VDAC1: variants seen among roughly 807,000 people sequenced by gnomAD.
VDAC1 encodes voltage dependent anion channel 1.
In VDAC1, 10 loss-of-function variants were observed where a neutral mutation model predicts 34.7. The ratio of observed to expected loss-of-function variants is 0.29; its 90% CI spans 0.18 to 0.49. The LOEUF is 0.49. Among genes scored for constraint, VDAC1 ranks in the 20% least tolerant of loss-of-function variants. The pLI is 0.99. For synonymous variants in VDAC1, 130 were observed against 136.0 expected (o/e 0.96, Z 0.30); for missense variants, 230 against 347.9 (o/e 0.66, Z 2.69).
the VDAC1 span, among the ~76,000 whole-genome samples, chr5:134,063,287 TTCCAACA>T: frequency 2.0e-5 from 3 of 152,230 alleles, no homozygotes; most frequent in African/African-American, 7.2e-5. Context: ...CCTTTCTCCG[TTCCAACA>T]TCCAGTGTGG....
the VDAC1 span, among the ~76,000 whole-genome samples, chr5:134,013,801 G>C: frequency 6.6e-6 from 1 of 151,996 alleles, no homozygotes; most frequent in African/African-American, 2.4e-5. Context: ...AATTAGCCAG[G>C]CATGGTTGCG....
At chr5:134,025,560 G>A in the VDAC1 span, among the ~76,000 whole-genome samples, 3 of 151,912 alleles carry the variant, frequency 2.0e-5, no homozygotes, top group African/African-American at 7.3e-5. Context: ...TTCAGTGATG[G>A]AGGTGATGTT....
chr5:134,045,739 G>A, the VDAC1 span, among the ~76,000 whole-genome samples: 3 of 151,714 alleles, frequency 2.0e-5, no homozygotes, highest in Admixed American at 6.6e-5. Flanking sequence ...GCAATGGTGC[G>A]ATCCTGGCTC....
chr5:134,048,911 GTGAA>G, the VDAC1 span, among the ~76,000 whole-genome samples: 1 of 152,156 alleles, frequency 6.6e-6, no homozygotes, highest in East Asian at 1.9e-4. Flanking sequence ...TATTTGCTGA[GTGAA>G]TGAATGAATG....
At chr5:133,990,277 AG>A (rs1214222880) in intron 5 of VDAC1, among the ~76,000 whole-genome samples, 1 of 152,208 alleles carries the variant, frequency 6.6e-6, no homozygotes, top group Non-Finnish European at 1.5e-5. Flanking sequence ...AGCAGCAGGA[AG>A]CTGGGAGAAG....
At chr5:134,024,892 C>G in the VDAC1 span, among the ~76,000 whole-genome samples, 7 of 152,226 alleles carry the variant, frequency 4.6e-5, no homozygotes, top group Non-Finnish European at 7.3e-5. Flanking sequence ...TCCCCTACCC[C>G]CTAGCCAGCT....
chr5:134,058,144 A>T, the VDAC1 span, among the ~76,000 whole-genome samples: 2 of 151,996 alleles, frequency 1.3e-5, no homozygotes, highest in Non-Finnish European at 2.9e-5. Flanking sequence ...TGCTTCAGCC[A>T]CCCAAAGTGT....
At chr5:134,043,171 C>T in the VDAC1 span, among the ~76,000 whole-genome samples, 1 of 152,326 alleles carries the variant, frequency 6.6e-6, no homozygotes, top group South Asian at 2.1e-4. Flanking sequence ...GCCTGTCGGC[C>T]TGGCAAAGTG....
At chr5:134,104,452 G>A in the VDAC1 span, among the ~76,000 whole-genome samples, 4 of 152,334 alleles carry the variant, frequency 2.6e-5, no homozygotes, top group East Asian at 1.9e-4. Context: ...CCAAAGCTCC[G>A]CTTAGAACAG....
chr5:134,071,398 G>A, the VDAC1 span, among the ~76,000 whole-genome samples: 1 of 152,142 alleles, frequency 6.6e-6, no homozygotes, highest in East Asian at 1.9e-4. This position sits in a 1 kb window ranked among gnomAD's most constrained non-coding sequence, Gnocchi z 4.1. Context: ...GCCCAGCCGC[G>A]CCAGCTGTGC....
At chr5:134,110,719 C>T in the VDAC1 span, among the ~76,000 whole-genome samples, 2 of 152,244 alleles carry the variant, frequency 1.3e-5, no homozygotes, top group African/African-American at 4.8e-5. Flanking sequence ...CCGCTCACAA[C>T]CTCTCCTTGC....
chr5:134,064,729 C>CT, the VDAC1 span, among the ~76,000 whole-genome samples: 1 of 145,754 alleles, frequency 6.9e-6, no homozygotes, highest in African/African-American at 2.5e-5. Context: ...TTTTTTTTTC[C>CT]TTTTTTGAGC....
the VDAC1 span, among the ~76,000 whole-genome samples, chr5:134,100,021 C>T: frequency 2.6e-5 from 4 of 152,262 alleles, no homozygotes; most frequent in Admixed American, 1.3e-4. Context: ...AATCCAAACA[C>T]GCCCTGTGAG....
the VDAC1 span, among the ~76,000 whole-genome samples, chr5:134,105,006 C>T: frequency 1.3e-5 from 2 of 152,216 alleles, no homozygotes; most frequent in Non-Finnish European, 2.9e-5. Context: ...CTGACGCCCC[C>T]GCCTTGGGAC....
At chr5:134,086,677 TTTCTTCC>T in the VDAC1 span, among the ~76,000 whole-genome samples, 36 of 152,270 alleles carry the variant, frequency 2.4e-4, no homozygotes, top group African/African-American at 7.7e-4. Context: ...TTCCTTCTTC[TTTCTTCC>T]TTCTTCCTTC....
At chr5:134,054,456 T>TC in the VDAC1 span, among the ~76,000 whole-genome samples, 1 of 79,088 alleles carries the variant, frequency 1.3e-5, no homozygotes, top group Non-Finnish European at 2.3e-5. Flanking sequence ...CTTCCTTCCT[T>TC]CCTTTTTTTT....
the VDAC1 span, among the ~76,000 whole-genome samples, chr5:134,074,834 G>A: frequency 1.4e-4 from 22 of 152,168 alleles, no homozygotes; most frequent in African/African-American, 4.8e-4. Context: ...TGGTATTGAT[G>A]GTCCTCACAT....
At chr5:134,054,458 C>CTTTTTTTT in the VDAC1 span, among the ~76,000 whole-genome samples, 21 of 123,544 alleles carry the variant, frequency 1.7e-4, no homozygotes, top group Non-Finnish European at 1.9e-4. Context: ...TCCTTCCTTC[C>CTTTTTTTT]TTTTTTTTTT....
At chr5:134,050,454 A>T in the VDAC1 span, among the ~76,000 whole-genome samples, 1 of 152,104 alleles carries the variant, frequency 6.6e-6, no homozygotes. Flanking sequence ...CCCCATTTAC[A>T]CTTCCAAGCC....
Sources: allele counts gnomAD v4.1 joint callset (sites outside exome capture counted in the v4.1 genomes callset), GRCh38; gene constraint gnomAD v4.1.1; non-coding constraint Gnocchi (gnomAD v3.1); transcripts MANE v1.5; gene names NCBI Gene and HGNC (gene_info 2026-07-23, HGNC 2026-07-21).